The following CFAP43 variants were observed in gnomAD, a reference collection of about 807,000 sequenced individuals.
CFAP43 encodes cilia- and flagella-associated protein 43.
A neutral mutation model predicts 218.9 loss-of-function variants in CFAP43; 155 were observed. That is an observed-to-expected ratio of 0.71 (90% CI 0.62 to 0.81). The LOEUF is 0.81. Among genes scored for constraint, CFAP43 ranks in the 30% least tolerant of loss-of-function variants. The pLI is 0.00. For missense variants in CFAP43, 1,778 were observed against 1,954.3 expected, an observed-to-expected ratio of 0.91 and a Z score of 1.70; for synonymous variants, 645 against 681.3, an observed-to-expected ratio of 0.95 and a Z score of 0.83.
At chr10:104,161,738 A>G (rs2088885073) in intron 26 of CFAP43, among the ~76,000 whole-genome samples, 1 of 151,964 alleles carries the variant, frequency 6.6e-6, no homozygotes, top group Admixed American at 6.6e-5. Flanking sequence ...TCCTGCCTTG[A>G]ATTCCTGGCC....
At position 104,232,237 on chromosome 10, in the gene CFAP43, CT is replaced by C; in HGVS notation, c.9del (p.Gly4AlafsTer18). On this transcript the variant is annotated frameshift_variant, in exon 1 of 38. Coordinates refer to ENST00000357060, the MANE Select transcript of CFAP43 (RefSeq NM_025145.7). LOFTEE classifies it high-confidence loss of function. ...TGGGGGCCTTCGTCGCGCTCCCGGC[CT>C]TGCGCCATGGGCAGTGTTTTCCTCA... MA[Q>X]GRERDEGPHS... 6.2e-7 allele frequency: 1 copy of C among 1,606,820 alleles called. No homozygotes were observed. The highest frequency in any genetic ancestry group is 8.5e-7 in the Non-Finnish European group (1 of 1,177,782).
chr10:104,152,618 C>T lies in CFAP43; in HGVS notation c.3649G>A (p.Val1217Ile). The change falls in exon 28 of 38, where the codon GTT (valine) becomes ATT (isoleucine). Residue 1217 changes from valine (V) to isoleucine (I), a missense_variant. By Grantham distance (29) the Val-to-Ile change is conservative. Around this residue, in one of 3 missense-constraint regions of CFAP43, gnomAD observed 1,553 missense variants for 1,685.2 expected, o/e 0.92. Transcript: ENST00000357060. ...LFERRVKAEM[V>I]TNQEELKISN... ...AAGCTTTTATTTACCTGGTTGGTAA[C>T]CATCTCTGCCTTCACTCTCCTTTCA... 6.2e-7 allele frequency: 1 copy of T among 1,613,626 alleles called. No individual in the cohort carries two copies. Among genetic ancestry groups the T allele is most frequent in the Non-Finnish European group, 8.5e-7 (1 of 1,179,774 alleles).
rs1484523345 is a variant in CFAP43 at position 104,157,775 on chromosome 10, T to TGTGAGAGAGAGAGAGA, written c.3540+3261_3540+3262insTCTCTCTCTCTCTCAC. ...GTGTGTGTGTGTGTGTGTGTGTGTGTGAGAGAGAGAGAGAGAGAGAGAGAG... is the reference window on the plus strand; with the variant it reads ...GTGTGTGTGTGTGTGTGTGTGTGTGTGTGAGAGAGAGAGAGAGAGAGAGAGAGAGAGAGAGAGAGAG... On this transcript the variant is annotated intron_variant, in intron 27 of 37. Transcript: ENST00000357060. Among the ~76,000 whole-genome samples the TGTGAGAGAGAGAGAGA allele has an allele frequency of 2.2e-3, 199 of 90,142 alleles. 2 individuals carry two copies. Among genetic ancestry groups the TGTGAGAGAGAGAGAGA allele is most frequent in the African/African-American group, 5.5e-3 (111 of 20,014 alleles). 59.1% of individuals were successfully genotyped at this position (90,142 alleles called of 152,430 possible). A position where few individuals can be genotyped will look rare whatever the true frequency, so the allele number is the denominator to read the frequency against.
intron 19 of CFAP43, 68 bp from the exon 20 acceptor site, chr10:104,172,603 G>A (rs1251512985): frequency 4.5e-6 from 6 of 1,345,506 alleles, no homozygotes; most frequent in Non-Finnish European, 5.9e-6. Context: ...AATTTTCTTA[G>A]TTTCTTTTAG....
intron 27 of CFAP43, among the ~76,000 whole-genome samples, chr10:104,159,936 C>A (rs1227918019): frequency 6.6e-6 from 1 of 152,156 alleles, no homozygotes; most frequent in Non-Finnish European, 1.5e-5. Flanking sequence ...TGTGAGAGCA[C>A]TTGGCTAGGG....
At position 104,149,232 on chromosome 10, in the gene CFAP43, T is replaced by A. The variant is rs150992126; in HGVS notation, c.3661-1234A>T. 3.9e-5 allele frequency among the ~76,000 whole-genome samples: 6 copies of A among 152,318 alleles called. No individual in the cohort carries two copies. In the East Asian group the frequency reaches 9.6e-4, roughly 24 times the overall value. On this transcript the variant is annotated intron_variant, in intron 28 of 37. Transcript: ENST00000357060. Reference sequence around the variant, plus strand: ...CCTTTTAACAAGACTATAGGTGGTATTGTGTTCTTTGATCAGGAGACATAT... The same window carrying A: ...CCTTTTAACAAGACTATAGGTGGTAATGTGTTCTTTGATCAGGAGACATAT...
intron 19 of CFAP43, 143 bp downstream of exon 19, chr10:104,178,886 A>G (rs933765169): frequency 3.6e-5 from 20 of 561,596 alleles, no homozygotes; most frequent in Middle Eastern, 4.8e-4. Flanking sequence ...GAGAAATTTT[A>G]TCTTGTTAAA....
At chr10:104,175,033 C>T (rs1158089833) in intron 19 of CFAP43, among the ~76,000 whole-genome samples, 2 of 150,664 alleles carry the variant, frequency 1.3e-5, no homozygotes, top group African/African-American at 4.9e-5. Context: ...CCAGCCTGGG[C>T]GACAGAGCGA....
intron 4 of CFAP43, among the ~76,000 whole-genome samples, chr10:104,213,113 C>G (rs2090912519): frequency 6.6e-6 from 1 of 152,138 alleles, no homozygotes; most frequent in Non-Finnish European, 1.5e-5. Flanking sequence ...GCAGTGTTGT[C>G]AACTCTCACT....
At chr10:104,160,954 T>C in intron 27 of CFAP43, 83 bp downstream of exon 27, 1 of 1,347,408 alleles carries the variant, frequency 7.4e-7, no homozygotes, top group East Asian at 2.4e-5. Context: ...ATTAAAGATA[T>C]CGACAAAGTA....
intron 14 of CFAP43, 26 bp from the exon 15 acceptor site, chr10:104,186,149 T>A: frequency 6.9e-7 from 1 of 1,459,118 alleles, no homozygotes; most frequent in Admixed American, 2.6e-5. Flanking sequence ...AATAACCACA[T>A]TATAGAAAAG....
chr10:104,133,661 A>G lies in CFAP43; in HGVS notation c.4555T>C (p.Trp1519Arg), dbSNP rs2087303314. The change falls in exon 35 of 38, where the codon TGG becomes CGG. Residue 1519 changes from tryptophan to arginine, a missense_variant. Transcript: ENST00000357060. Reference sequence around the variant, plus strand: ...GAAAAAAATAGCATCTGAATATCCCAAGCCTTCTGATTTAGATCTTCCCTT... The same window carrying G: ...GAAAAAAATAGCATCTGAATATCCCGAGCCTTCTGATTTAGATCTTCCCTT... ...MEREDLNQKA[W>R]DIQMLFFSRD... is the part of the protein sequence containing the mutation. The G allele has an allele frequency of 6.2e-7, 1 of 1,613,616 alleles. No individual in the cohort carries two copies. The highest frequency in any genetic ancestry group is 8.5e-7 in the Non-Finnish European group (1 of 1,179,812).
intron 3 of CFAP43, among the ~76,000 whole-genome samples, chr10:104,218,208 C>T (rs1045752397): frequency 6.3e-4 from 96 of 151,846 alleles, no homozygotes; most frequent in African/African-American, 2.1e-3. Flanking sequence ...ATTAGCTGGG[C>T]GTGGTGGCGG....
rs749731041 is a variant in CFAP43 at position 104,212,120 on chromosome 10, T to A, written c.622A>T (p.Asn208Tyr). Reference protein sequence around the residue: ...KLPLEDGSFFNETDVVFPQSL... With the variant: ...KLPLEDGSFFYETDVVFPQSL... ...TGGGGGAAAACGACATCCGTTTCAT[T>A]AAAAAATGACCCATCTTCTAGAGGT... Residue 208 changes from asparagine to tyrosine, a missense_variant, in exon 5 of 38, where the codon AAT (asparagine) becomes TAT (tyrosine). By Grantham distance (143) the Asn-to-Tyr change is moderately radical (BLOSUM62 -2). Around this residue, in one of 3 missense-constraint regions of CFAP43, gnomAD observed 1,553 missense variants for 1,685.2 expected, o/e 0.92. Transcript: ENST00000357060. 3.7e-6 allele frequency: 6 copies of A among 1,613,904 alleles called. No individual in the cohort carries two copies. In the South Asian group the frequency reaches 5.5e-5, roughly 15 times the overall value.
rs2090886261 is a variant in CFAP43 at position 104,212,234 on chromosome 10, A to G, written c.585-77T>C. On this transcript the variant is annotated intron_variant, in intron 4 of 37. Coordinates refer to ENST00000357060, the MANE Select transcript of CFAP43 (RefSeq NM_025145.7). ...GATGCAACCACTGCATATCAGTTTA[A>G]GTGAGGTGGGGAGGTATTATAACTT... is the stretch of plus-strand genomic sequence containing the variant. The G allele has an allele frequency of 4.9e-6, 7 of 1,441,030 alleles. No homozygotes were observed. In the Admixed American group the frequency reaches 1.5e-4, roughly 31 times the overall value. 89.3% of individuals were successfully genotyped at this position (1,441,030 alleles called of 1,614,324 possible).
At chr10:104,185,949 A>AT (rs758515231) in intron 15 of CFAP43, 25 bp downstream of exon 15, 282 of 1,572,272 alleles carry the variant, frequency 1.8e-4, no homozygotes, top group East Asian at 7.3e-4. Context: ...CACCCACAAT[A>AT]TTTTTTTTTA....
intron 14 of CFAP43, 24 bp downstream of exon 14, chr10:104,187,296 G>A: frequency 6.4e-7 from 1 of 1,572,734 alleles, no homozygotes; most frequent in Non-Finnish European, 8.6e-7. Context: ...AGATAAATGA[G>A]AGCACACTTA....
At position 104,130,213 on chromosome 10, in the gene CFAP43, C is replaced by G; in HGVS notation, c.4924G>C (p.Glu1642Gln). The G allele has an allele frequency of 6.2e-7, 1 of 1,612,950 alleles. No homozygotes were observed. The highest frequency in any genetic ancestry group is 8.5e-7 in the Non-Finnish European group (1 of 1,179,720). ...KLTNISKQQAEQISILQTEVE... is the reference protein window; with the variant it reads ...KLTNISKQQAQQISILQTEVE... ...TCAGTCTGTAGTATTGAAATCTGTT[C>G]AGCTTGTTGTTTTGAAATATTTGTT... Residue 1642 changes from glutamate to glutamine, a missense_variant, in exon 38 of 38, where the codon GAA (glutamate) becomes CAA (glutamine). Glu to Gln is a conservative substitution (Grantham distance 29). This residue lies in a region of CFAP43 where 211 missense variants were observed against 230.6 expected (regional missense o/e 0.91). Transcript: ENST00000357060.
Position 104,132,279 on chromosome 10 carries a change from G to C in CFAP43, c.4597-83C>G, listed in dbSNP as rs2087234345. ...TATAAAGGTTGTTTTAGCTTTGAAAGTTACTGTTTTTCATAACAAATATCT... is the reference window on the plus strand; with the variant it reads ...TATAAAGGTTGTTTTAGCTTTGAAACTTACTGTTTTTCATAACAAATATCT... On this transcript the variant is annotated intron_variant, in intron 35 of 37. Transcript: ENST00000357060. 3.8e-6 allele frequency: 4 copies of C among 1,050,636 alleles called. No individual in the cohort carries two copies. The South Asian group carries it at 6.4e-5, about 17-fold the overall frequency. The allele number at this position is 1,050,636 out of a possible 1,614,324, so 65.1% of individuals were successfully genotyped here. A position where few individuals can be genotyped will look rare whatever the true frequency, so the allele number is the denominator to read the frequency against.
Sources: gnomAD v4.1 joint callset for allele counts (sites outside exome capture counted in the v4.1 genomes callset) on GRCh38, gnomAD v4.1.1 for gene constraint, gnomAD v4.1.1 regional missense constraint, MANE v1.5 for transcripts, NCBI Gene and HGNC (gene_info 2026-07-23, HGNC 2026-07-21) for gene names.